Variants in NAALADL2 observed in about 807,000 individuals in gnomAD.
NAALADL2 encodes the protein inactive N-acetylated-alpha-linked acidic dipeptidase-like protein 2.
Under a neutral mutation model 87.2 loss-of-function variants are expected in NAALADL2, and 76 were observed. The observed-to-expected ratio is 0.87, with a 90% confidence interval of 0.72 to 1.05. NAALADL2 has a LOEUF of 1.05. Ranked by LOEUF, NAALADL2 falls within the 50% of genes least tolerant of loss-of-function variation. The pLI, the probability that NAALADL2 is intolerant of heterozygous loss-of-function variation, is 0.00. For synonymous variants in NAALADL2, 354 were observed against 331.0 expected (o/e 1.07, Z -0.75); for missense variants, 1,089 against 945.8 (o/e 1.15, Z -1.99).
At position 174,616,765 on chromosome 3, in the gene NAALADL2, C is replaced by T. The variant is rs6784872; in HGVS notation, c.-115+66128C>T. 4.9e-3 allele frequency among the ~76,000 whole-genome samples: 747 copies of T among 151,814 alleles called. 5 individuals are homozygous for T. Among genetic ancestry groups the T allele is most frequent in the African/African-American group, 0.017 (709 of 41,482 alleles). On this transcript the variant is annotated intron_variant, in intron 2 of 3. Transcript: ENST00000434257. ...CAAGCTGCGTCTATGATAGAAAAAG[C>T]GAATTCCAGATATTTGAATGTAATA...
intron 2 of NAALADL2, chr3:175,115,297 T>C (rs1395339323): frequency 6.6e-6 from 1 of 151,676 alleles, no homozygotes; most frequent in Non-Finnish European, 1.5e-5. Context: ...TGATTTGTTA[T>C]GCTTGTGATT....
chr3:175,269,151 C>G (rs1416692853), intron 4 of NAALADL2, among the ~76,000 whole-genome samples: 1 of 151,860 alleles, frequency 6.6e-6, no homozygotes, highest in Non-Finnish European at 1.5e-5. Flanking sequence ...GTTGACCGGG[C>G]TGGTCTTGAA....
intron 2 of NAALADL2, among the ~76,000 whole-genome samples, chr3:175,111,626 G>A (rs561994887): frequency 6.6e-6 from 1 of 151,614 alleles, no homozygotes; most frequent in Non-Finnish European, 1.5e-5. Flanking sequence ...TGAGTTAGTT[G>A]TACCCTAAAG....
intron 2 of NAALADL2, among the ~76,000 whole-genome samples, chr3:174,600,629 T>A (rs571577136): frequency 1.3e-5 from 2 of 152,132 alleles, no homozygotes; most frequent in Non-Finnish European, 2.9e-5. Context: ...GGGTAATTTA[T>A]AAAGGAAAGA....
chr3:175,634,957 G>A (rs1186466977), intron 11 of NAALADL2, among the ~76,000 whole-genome samples: 1 of 151,996 alleles, frequency 6.6e-6, no homozygotes, highest in Non-Finnish European at 1.5e-5. Flanking sequence ...TGCGAAGGTT[G>A]TACTTTGTAA....
intron 1 of NAALADL2, among the ~76,000 whole-genome samples, chr3:174,521,523 G>T (rs1243402474): frequency 8.2e-6 from 1 of 121,478 alleles, no homozygotes; most frequent in Admixed American, 1.2e-4. Context: ...AATGAGCCAA[G>T]ATCGTGCCAC....
In NAALADL2 at chr3:175,698,435, ATATT is replaced by A. The variant is rs1286486308; in HGVS notation, c.1897-38867_1897-38864del. On this transcript the variant is annotated intron_variant, in intron 11 of 13. Coordinates refer to ENST00000454872, the MANE Select transcript of NAALADL2 (RefSeq NM_207015.3). ...TGTATGTATACATATGTATGTGTATATATTTATGTATGTATACATATATGTGTAT... is the reference window on the plus strand; with the variant it reads ...TGTATGTATACATATGTATGTGTATATATGTATGTATACATATATGTGTAT... Among the ~76,000 whole-genome samples the A allele has an allele frequency of 5.2e-4, 68 of 129,990 alleles. 15 individuals are homozygous for A. The highest frequency in any genetic ancestry group is 1.3e-3 in the African/African-American group (43 of 33,308). The allele number at this position is 129,990 out of a possible 152,430, so 85.3% of individuals were successfully genotyped here.
intron 5 of NAALADL2, among the ~76,000 whole-genome samples, chr3:175,444,873 A>G (rs1025636132): frequency 6.6e-6 from 1 of 152,162 alleles, no homozygotes; most frequent in Non-Finnish European, 1.5e-5. Context: ...CATGACTTCC[A>G]CGGCTGCCAT....
rs1741747870 is a variant in NAALADL2, at chr3:175,718,671, T to G, written c.1897-18635T>G. ...CCCGAGCCCGTGGTGGCTGCCATCT[T>G]GCGTTTTCTTGTATTTTTATAGAGA... On this transcript the variant is annotated intron_variant, in intron 11 of 13. Transcript: ENST00000454872. The G allele has an allele frequency of 2.6e-6, 4 of 1,559,918 alleles. No homozygotes were observed. The East Asian group carries it at 9.0e-5, about 35-fold the overall frequency.
rs181611493 is a variant in NAALADL2, at chr3:175,706,821, T to C, written c.1897-30485T>C. Among the ~76,000 whole-genome samples, 4 of 152,202 alleles carry C rather than the reference T, an allele frequency of 2.6e-5. No homozygotes were observed. The East Asian group carries it at 7.7e-4, about 29-fold the overall frequency. ...CTGGTCTGAGCCTTGTCTAGTCACC[T>C]TCACAGATCTTGGACACTCAAGTTA... is the stretch of plus-strand genomic sequence containing the variant. On this transcript the variant is annotated intron_variant, in intron 11 of 13. Transcript: ENST00000454872.
chr3:175,227,119 T>C (rs943741678), intron 2 of NAALADL2, among the ~76,000 whole-genome samples: 3 of 152,074 alleles, frequency 2.0e-5, no homozygotes, highest in Admixed American at 1.3e-4. Context: ...ATTTTTTCCA[T>C]GTGTACTTCT....
At chr3:174,498,552 A>G (rs1718691230) in intron 1 of NAALADL2, among the ~76,000 whole-genome samples, 1 of 151,160 alleles carries the variant, frequency 6.6e-6, no homozygotes, top group South Asian at 2.1e-4. Flanking sequence ...TTCTCTTGAG[A>G]AAATAAGGGG....
chr3:175,523,752 G>C (rs1339856191), intron 9 of NAALADL2, among the ~76,000 whole-genome samples: 1 of 152,170 alleles, frequency 6.6e-6, no homozygotes, highest in African/African-American at 2.4e-5. Context: ...TTTAAAGAGA[G>C]TGACGGAGCG....
chr3:175,124,745 CAT>C (rs1218133981), intron 2 of NAALADL2: 1 of 151,968 alleles, frequency 6.6e-6, no homozygotes, highest in Non-Finnish European at 1.5e-5. Context: ...AAGAATATAT[CAT>C]ATGACACATT....
chr3:175,517,440 T>C (rs1197854167), intron 9 of NAALADL2, among the ~76,000 whole-genome samples: 3 of 152,218 alleles, frequency 2.0e-5, no homozygotes, highest in Non-Finnish European at 4.4e-5. Context: ...ATATTTCTGA[T>C]ATACAAGAAT....
At chr3:174,817,040 G>A (rs1261111469) in intron 3 of NAALADL2, among the ~76,000 whole-genome samples, 1 of 152,158 alleles carries the variant, frequency 6.6e-6, no homozygotes, top group African/African-American at 2.4e-5. Flanking sequence ...GGAACTTAAA[G>A]CAGCTAAATT....
intron 2 of NAALADL2, among the ~76,000 whole-genome samples, chr3:174,573,649 A>T (rs1715179225): frequency 6.6e-6 from 1 of 152,142 alleles, no homozygotes; most frequent in South Asian, 2.1e-4. Flanking sequence ...GTTTGTGCAG[A>T]GATGACATGG....
rs77452057 is a variant in NAALADL2 at position 174,458,081 on chromosome 3, A to G, written c.-184+17049A>G. On this transcript the variant is annotated intron_variant, in intron 1 of 3. Coordinates refer to the NAALADL2 transcript ENST00000434257. ...GGTGGAGAAATAATCTGTACAACAGACCCCCTTGATACAATTTACCTATAT... is the reference window on the plus strand; with the variant it reads ...GGTGGAGAAATAATCTGTACAACAGGCCCCCTTGATACAATTTACCTATAT... 2.4e-3 allele frequency among the ~76,000 whole-genome samples: 368 copies of G among 152,002 alleles called. 1 individual carries two copies. Among genetic ancestry groups the G allele is most frequent in the African/African-American group, 8.6e-3 (357 of 41,466 alleles).
At chr3:174,449,889 C>T (rs2108269568) in intron 1 of NAALADL2, among the ~76,000 whole-genome samples, 1 of 152,208 alleles carries the variant, frequency 6.6e-6, no homozygotes, top group East Asian at 1.9e-4. Context: ...AAATGTTCCA[C>T]ATGATATTGT....
Sources: gnomAD v4.1 joint callset for allele counts (sites outside exome capture counted in the v4.1 genomes callset) on GRCh38, gnomAD v4.1.1 for gene constraint, MANE v1.5 for transcripts, NCBI Gene and HGNC (gene_info 2026-07-23, HGNC 2026-07-21) for gene names.